Variants in PPP2R2C observed in about 807,000 individuals in gnomAD.
PPP2R2C encodes the protein protein phosphatase 2 regulatory subunit Bgamma.
In PPP2R2C, 10 loss-of-function variants were observed where a neutral mutation model predicts 45.3. The observed-to-expected ratio is 0.22, with a 90% confidence interval of 0.14 to 0.37. The LOEUF is 0.37. PPP2R2C is among the 10% of genes least tolerant of loss of function. The pLI is 1.00. For missense variants in PPP2R2C, 308 were observed against 619.7 expected (o/e 0.50, Z 5.34); for synonymous variants, 257 against 245.4 (o/e 1.05, Z -0.44).
At chr4:6,546,121 A>G (rs1417544148) in intron 1 of PPP2R2C, among the ~76,000 whole-genome samples, 2 of 152,216 alleles carry the variant, frequency 1.3e-5, no homozygotes, top group African/African-American at 4.8e-5. Flanking sequence ...TGCACTGGCC[A>G]CTGTATTCAG....
Position 6,378,943 on chromosome 4 carries a change from C to G in PPP2R2C, c.169-371G>C, listed in dbSNP as rs914504679. 1.3e-5 allele frequency among the ~76,000 whole-genome samples: 2 copies of G among 151,764 alleles called. No homozygotes were observed. Among genetic ancestry groups the G allele is most frequent in the African/African-American group, 4.8e-5 (2 of 41,300 alleles). ...TCTCCCCATTTCACAGACCAGCAAACAGAGACTCAGAGGGGAAGTGACTTC... is the reference window on the plus strand; with the variant it reads ...TCTCCCCATTTCACAGACCAGCAAAGAGAGACTCAGAGGGGAAGTGACTTC... On this transcript the variant is annotated intron_variant, in intron 2 of 8. Transcript: ENST00000382599. The surrounding 1 kb of genome is among the most constrained non-coding windows in gnomAD (Gnocchi z 5.2).
chr4:6,349,080 G>A (rs1712285624), intron 5 of PPP2R2C: 1 of 985,218 alleles, frequency 1.0e-6, no homozygotes, highest in Admixed American at 6.1e-5. Flanking sequence ...AGAATCTCTT[G>A]GAGCATGCAA....
At chr4:6,452,281 A>G (rs1205241506) in intron 1 of PPP2R2C, among the ~76,000 whole-genome samples, 1 of 152,104 alleles carries the variant, frequency 6.6e-6, no homozygotes, top group African/African-American at 2.4e-5. Flanking sequence ...AGATCCTGTG[A>G]ACATTGGCAG....
At chr4:6,545,170 T>C (rs747901764) in intron 1 of PPP2R2C, among the ~76,000 whole-genome samples, 1 of 152,198 alleles carries the variant, frequency 6.6e-6, no homozygotes, top group Non-Finnish European at 1.5e-5. Context: ...CTCCAGACAT[T>C]TTGGAAAAGC....
intron 6 of PPP2R2C, among the ~76,000 whole-genome samples, chr4:6,335,709 A>G (rs1354226134): frequency 6.6e-6 from 1 of 151,478 alleles, no homozygotes; most frequent in Non-Finnish European, 1.5e-5. Flanking sequence ...CACCATCCTG[A>G]TCCCAGGCCA....
chr4:6,329,961 C>T lies in PPP2R2C; in HGVS notation c.961-608G>A, dbSNP rs1732275693. 6.6e-6 allele frequency among the ~76,000 whole-genome samples: 1 copy of T among 152,164 alleles called. No homozygotes were observed. The highest frequency in any genetic ancestry group is 1.5e-5 in the Non-Finnish European group (1 of 68,020). The stretch of plus-strand genomic sequence containing the variant: ...GCAGGCCTTTTGAGGGTAATGATCT[C>T]CGAGAACACAGGGTGGCGGCCATCA... On this transcript the variant is annotated intron_variant, in intron 7 of 8. Coordinates refer to ENST00000382599, the MANE Select transcript of PPP2R2C (RefSeq NM_020416.4). This position sits in a 1 kb window ranked among gnomAD's most constrained non-coding sequence, Gnocchi z 5.8.
At chr4:6,359,202 G>A (rs1034065251) in intron 5 of PPP2R2C, among the ~76,000 whole-genome samples, 7 of 152,160 alleles carry the variant, frequency 4.6e-5, no homozygotes, top group African/African-American at 1.7e-4. Context: ...GTAGGGACAT[G>A]GATGAAGCTG....
chr4:6,346,465 G>A (rs1017987558), intron 6 of PPP2R2C, among the ~76,000 whole-genome samples: 6 of 152,110 alleles, frequency 3.9e-5, no homozygotes, highest in Admixed American at 2.6e-4. Context: ...CTGACTTTGT[G>A]GGTGTTGGTG....
In PPP2R2C at chr4:6,331,702, T is replaced by G. The variant is rs761380866; in HGVS notation, c.960+1860A>C. 1.2e-4 allele frequency among the ~76,000 whole-genome samples: 19 copies of G among 152,112 alleles called. No individual in the cohort carries two copies. The highest frequency in any genetic ancestry group is 2.5e-4 in the Non-Finnish European group (17 of 68,024). The stretch of plus-strand genomic sequence containing the variant: ...TGGCAGCCACTTTGCCACCATGAGG[T>G]ACCACATGTGAAGGTGGAAAACCAA... On this transcript the variant is annotated intron_variant, in intron 7 of 8. Coordinates refer to ENST00000382599, the MANE Select transcript of PPP2R2C (RefSeq NM_020416.4). This position sits in a 1 kb window ranked among gnomAD's most constrained non-coding sequence, Gnocchi z 5.9.
At chr4:6,550,752 A>G (rs1725157852) in intron 1 of PPP2R2C, among the ~76,000 whole-genome samples, 1 of 152,196 alleles carries the variant, frequency 6.6e-6, no homozygotes, top group African/African-American at 2.4e-5. Context: ...CTCAATGGAT[A>G]CTTCTGCCTT....
intron 1 of PPP2R2C, among the ~76,000 whole-genome samples, chr4:6,543,769 C>T (rs914764357): frequency 6.6e-6 from 1 of 152,222 alleles, no homozygotes; most frequent in African/African-American, 2.4e-5. Context: ...TATGACCTCA[C>T]ATCCCAGGCC....
chr4:6,416,178 A>AATGCTCCTCCCTCCCTC (rs772999023), intron 1 of PPP2R2C, among the ~76,000 whole-genome samples: 44,174 of 151,714 alleles, frequency 0.29, 6,826 homozygotes, highest in East Asian at 0.61. Context: ...CAAGGATAAC[A>AATGCTCCTCCCTCCCTC]ACCTTCCATA....
chr4:6,497,373 A>T (rs1722913493), intron 2 of PPP2R2C, among the ~76,000 whole-genome samples: 1 of 152,176 alleles, frequency 6.6e-6, no homozygotes. Context: ...CACACTGTGC[A>T]TATCAGGAAA....
At chr4:6,531,878 G>A (rs1182978682) in intron 2 of PPP2R2C, among the ~76,000 whole-genome samples, 1 of 152,174 alleles carries the variant, frequency 6.6e-6, no homozygotes, top group Non-Finnish European at 1.5e-5. Context: ...CAGGTCCGGA[G>A]CAGGTGGCAG....
chr4:6,369,164 C>A (rs539800484), intron 5 of PPP2R2C, among the ~76,000 whole-genome samples: 1 of 152,344 alleles, frequency 6.6e-6, no homozygotes, highest in East Asian at 1.9e-4. Context: ...GTGGCTATTT[C>A]GTTTGAAGTA....
At position 6,329,370 on chromosome 4, in the gene PPP2R2C, T is replaced by C; in HGVS notation, c.961-17A>G. 6.2e-7 allele frequency: 1 copy of C among 1,605,956 alleles called. No homozygotes were observed. Among genetic ancestry groups the C allele is most frequent in the Non-Finnish European group, 8.5e-7 (1 of 1,172,604 alleles). Reference sequence around the variant, plus strand: ...GTCATGGACCTGGTGGGATAAGGGATGAGGTGAGTGGACGGGGCGTCCCGA... The same window carrying C: ...GTCATGGACCTGGTGGGATAAGGGACGAGGTGAGTGGACGGGGCGTCCCGA... On this transcript the variant is annotated splice_polypyrimidine_tract_variant and intron_variant, in intron 7 of 8. Coordinates refer to ENST00000382599, the MANE Select transcript of PPP2R2C (RefSeq NM_020416.4). This position sits in a 1 kb window ranked among gnomAD's most constrained non-coding sequence, Gnocchi z 5.8.
chr4:6,552,770 T>C (rs1725226776), intron 1 of PPP2R2C, among the ~76,000 whole-genome samples: 1 of 152,180 alleles, frequency 6.6e-6, no homozygotes, highest in African/African-American at 2.4e-5. Flanking sequence ...TGGGGGGCAT[T>C]ATTCTTTCCA....
At position 6,323,291 on chromosome 4, in the gene PPP2R2C, A is replaced by C. The variant is rs3796402; in HGVS notation, c.*11T>G. The C allele has an allele frequency of 6.3e-7, 1 of 1,581,230 alleles. No individual in the cohort carries two copies. The highest frequency in any genetic ancestry group is 8.7e-7 in the Non-Finnish European group (1 of 1,156,060). On this transcript the variant is annotated 3_prime_UTR_variant, in exon 9 of 9. Transcript: ENST00000382599. ...TGAGGCTGGGTGGCAGGGGCCGGGA[A>C]CTGCACATACCTAGTGCATGTCAGA... is the stretch of plus-strand genomic sequence containing the variant.
chr4:6,392,568 G>T (rs1290330392), intron 1 of PPP2R2C, among the ~76,000 whole-genome samples: 10 of 152,220 alleles, frequency 6.6e-5, no homozygotes, highest in Admixed American at 1.3e-4. Context: ...ACGAGCAAAG[G>T]CCCTGAGGTA....
Sources: allele counts gnomAD v4.1 joint callset (sites outside exome capture counted in the v4.1 genomes callset), GRCh38; gene constraint gnomAD v4.1.1; non-coding constraint Gnocchi (gnomAD v3.1); transcripts MANE v1.5; gene names NCBI Gene and HGNC (gene_info 2026-07-23, HGNC 2026-07-21).